Variants in ME1 observed in about 807,000 individuals in gnomAD.
ME1 encodes the protein malic enzyme 1, also known as NADP-dependent malic enzyme.
A neutral mutation model predicts 66.4 loss-of-function variants in ME1; 74 were observed. That is an observed-to-expected ratio of 1.11 (90% CI 0.92 to 1.35). The LOEUF (loss-of-function observed/expected upper bound fraction) is 1.35, where lower values mean the gene tolerates loss of function less well. ME1 is among the 40% of genes most tolerant of loss of function. ME1 has a pLI of 0.00. For synonymous variants in ME1, 251 were observed against 235.6 expected, an observed-to-expected ratio of 1.07 and a Z score of -0.60; for missense variants, 750 against 694.1, an observed-to-expected ratio of 1.08 and a Z score of -0.90.
intron 6 of ME1, among the ~76,000 whole-genome samples, chr6:83,308,192 G>C (rs1767860372): frequency 6.6e-6 from 1 of 152,090 alleles, no homozygotes; most frequent in Non-Finnish European, 1.5e-5. Flanking sequence ...GGAGGGTGTA[G>C]TATAATAACT....
intron 3 of ME1, among the ~76,000 whole-genome samples, chr6:83,384,459 G>C (rs1769471903): frequency 6.6e-6 from 1 of 151,612 alleles, no homozygotes; most frequent in Non-Finnish European, 1.5e-5. Flanking sequence ...CTTTTGAGAA[G>C]TGTCTGTTTT....
At chr6:83,304,740 T>G (rs1767795213) in intron 6 of ME1, among the ~76,000 whole-genome samples, 1 of 152,196 alleles carries the variant, frequency 6.6e-6, no homozygotes, top group South Asian at 2.1e-4. Context: ...AACAGTCAAA[T>G]CATGGAAAAT....
At chr6:83,276,950 A>G (rs1347516038) in intron 6 of ME1, among the ~76,000 whole-genome samples, 1 of 152,232 alleles carries the variant, frequency 6.6e-6, no homozygotes, top group Non-Finnish European at 1.5e-5. Flanking sequence ...TATATGCTAC[A>G]CTACAGTTCC....
At chr6:83,262,559 T>C (rs1484684639) in intron 6 of ME1, among the ~76,000 whole-genome samples, 3 of 152,214 alleles carry the variant, frequency 2.0e-5, no homozygotes, top group African/African-American at 7.2e-5. Flanking sequence ...AAACTGTTTA[T>C]TTCTAAAAGC....
chr6:83,323,652 T>C (rs989236078), intron 5 of ME1, among the ~76,000 whole-genome samples: 1 of 152,158 alleles, frequency 6.6e-6, no homozygotes, highest in East Asian at 1.9e-4. Context: ...CCTAAATACA[T>C]ATGCACCAAT....
intron 6 of ME1, among the ~76,000 whole-genome samples, chr6:83,277,363 C>A (rs1393494065): frequency 1.3e-5 from 2 of 152,124 alleles, no homozygotes; most frequent in Non-Finnish European, 2.9e-5. Context: ...AGCCTCAGCA[C>A]CCCCAGTTTA....
intron 3 of ME1, 50 bp from the exon 4 acceptor site, chr6:83,352,189 T>A: frequency 8.4e-7 from 1 of 1,186,432 alleles, no homozygotes; most frequent in Non-Finnish European, 1.1e-6. Flanking sequence ...ACTTCAGGCC[T>A]GTCAAACTAC....
chr6:83,363,735 G>A lies in ME1; in HGVS notation c.363-11596C>T, dbSNP rs147914027. 5.1e-4 allele frequency among the ~76,000 whole-genome samples: 77 copies of A among 152,280 alleles called. 1 individual carries two copies. Among genetic ancestry groups the A allele is most frequent in the African/African-American group, 1.7e-3 (71 of 41,554 alleles). ...TTCCTCCTTCTTTTGTTAAAAACAT[G>A]TTTGTGTATTTATACACTTGTACTA... On this transcript the variant is annotated intron_variant, in intron 3 of 13. Coordinates refer to ENST00000369705, the MANE Select transcript of ME1 (RefSeq NM_002395.6).
rs1209176797 is a variant in ME1, at chr6:83,243,417, TTATATTTA to T, written c.815-3789_815-3782del. On this transcript the variant is annotated intron_variant, in intron 7 of 13. Coordinates refer to ENST00000369705, the MANE Select transcript of ME1 (RefSeq NM_002395.6). ...TTATATAATATATTATATAATTAGATTATATTTATATATTTATATAATATATTATATAA... is the reference window on the plus strand; with the variant it reads ...TTATATAATATATTATATAATTAGATTATATTTATATAATATATTATATAA... Among the ~76,000 whole-genome samples, 1,071 of 130,468 alleles carry T rather than the reference TTATATTTA, an allele frequency of 8.2e-3. 9 individuals carry two copies. Among genetic ancestry groups the T allele is most frequent in the Non-Finnish European group, 0.013 (860 of 64,536 alleles). The allele number at this position is 130,468 out of a possible 152,430, so 85.6% of individuals were successfully genotyped here. A position where few individuals can be genotyped will look rare whatever the true frequency, so the allele number is the denominator to read the frequency against.
At chr6:83,229,683 G>T (rs1000244672) in intron 9 of ME1, among the ~76,000 whole-genome samples, 6 of 152,164 alleles carry the variant, frequency 3.9e-5, no homozygotes, top group African/African-American at 1.4e-4. Context: ...GCAAGAGATT[G>T]TACTAGAACT....
chr6:83,238,163 AG>A (rs150847503), intron 8 of ME1, among the ~76,000 whole-genome samples: 23 of 152,272 alleles, frequency 1.5e-4, no homozygotes, highest in Non-Finnish European at 2.9e-4. Context: ...GTTAGGTTCA[AG>A]CTACTCTAAT....
intron 1 of ME1, among the ~76,000 whole-genome samples, chr6:83,430,464 C>T (rs1770464681): frequency 6.6e-6 from 1 of 152,246 alleles, no homozygotes; most frequent in Admixed American, 6.5e-5. Context: ...ATAATTGCCA[C>T]ACTGTGTGTG....
intron 3 of ME1, among the ~76,000 whole-genome samples, chr6:83,395,840 GA>G (rs113761631): frequency 0.011 from 1,428 of 133,050 alleles, 40 homozygotes; most frequent in East Asian, 0.082. Flanking sequence ...GCAAGCAAAA[GA>G]AAAAAAAAAA....
rs1384191060 is a variant in ME1, at chr6:83,374,513, T to C, written c.363-22374A>G. On this transcript the variant is annotated intron_variant, in intron 3 of 13. Transcript: ENST00000369705. ...TGGATATTAGACCTTTGTCAGATGG[T>C]AGATTGCAAAAATTTTCTCCCATTC... is the stretch of plus-strand genomic sequence containing the variant. 2.0e-5 allele frequency among the ~76,000 whole-genome samples: 3 copies of C among 152,148 alleles called. No individual in the cohort carries two copies. The South Asian group carries it at 6.2e-4, about 32-fold the overall frequency.
chr6:83,296,578 G>A (rs889048977), intron 6 of ME1, among the ~76,000 whole-genome samples: 1 of 152,082 alleles, frequency 6.6e-6, no homozygotes, highest in African/African-American at 2.4e-5. Context: ...ATGGGTAAAA[G>A]CTGGGAGCAT....
At chr6:83,361,650 G>A (rs751115922) in intron 3 of ME1, among the ~76,000 whole-genome samples, 27 of 152,212 alleles carry the variant, frequency 1.8e-4, no homozygotes, top group Non-Finnish European at 3.5e-4. Context: ...GCCATCTTCT[G>A]CAGATAAATA....
intron 9 of ME1, among the ~76,000 whole-genome samples, chr6:83,232,494 T>C (rs1156382670): frequency 6.6e-6 from 1 of 152,194 alleles, no homozygotes; most frequent in Non-Finnish European, 1.5e-5. Flanking sequence ...AAATCAATAT[T>C]CATAATTTTC....
chr6:83,229,748 T>C (rs1244585275), intron 9 of ME1, among the ~76,000 whole-genome samples: 1 of 152,198 alleles, frequency 6.6e-6, no homozygotes, highest in East Asian at 1.9e-4. Flanking sequence ...TAACAAATAG[T>C]ATGTCATAGT....
chr6:83,248,069 T>C (rs923893535), intron 7 of ME1, among the ~76,000 whole-genome samples: 1 of 152,140 alleles, frequency 6.6e-6, no homozygotes, highest in South Asian at 2.1e-4. Flanking sequence ...TTGCTTCTGA[T>C]ATCCTGTGCC....
Sources: gnomAD v4.1 joint callset for allele counts (sites outside exome capture counted in the v4.1 genomes callset) on GRCh38, gnomAD v4.1.1 for gene constraint, MANE v1.5 for transcripts, NCBI Gene and HGNC (gene_info 2026-07-23, HGNC 2026-07-21) for gene names.